Variants in ZDHHC13 observed in about 807,000 individuals in gnomAD.
ZDHHC13 encodes zDHHC palmitoyltransferase 13, also known as palmitoyltransferase ZDHHC13.
In ZDHHC13, 85 loss-of-function variants were observed where a neutral mutation model predicts 86.0. The observed-to-expected ratio is 0.99, with a 90% CI of 0.83 to 1.18. The LOEUF is 1.18. Ranked by LOEUF, ZDHHC13 falls within the 50% of genes most tolerant of loss-of-function variation. The pLI is 0.00. For synonymous variants in ZDHHC13, 263 were observed against 246.4 expected (o/e 1.07, Z -0.63); for missense variants, 711 against 730.2 (o/e 0.97, Z 0.30).
chr11:19,154,078 T>G lies in ZDHHC13; in HGVS notation c.873+1394T>G, dbSNP rs77660928. Among the ~76,000 whole-genome samples the G allele has an allele frequency of 6.8e-3, 1,043 of 152,304 alleles. 9 individuals are homozygous for G. Among genetic ancestry groups the G allele is most frequent in the African/African-American group, 0.024 (984 of 41,564 alleles). ...TTTCTCCCAGAGTAAAAGCAAAGTC[T>G]TTATGATGGCCTATAGGGCCCTTTG... is the stretch of plus-strand genomic sequence containing the variant. On this transcript the variant is annotated intron_variant, in intron 8 of 16. Transcript: ENST00000446113.
chr11:19,156,473 A>G (rs1445374469), intron 9 of ZDHHC13, among the ~76,000 whole-genome samples: 1 of 152,202 alleles, frequency 6.6e-6, no homozygotes, highest in Non-Finnish European at 1.5e-5. Context: ...GCTTTACCAC[A>G]TGACAGTCTG....
At chr11:19,136,547 C>A (rs1459000405) in intron 1 of ZDHHC13, among the ~76,000 whole-genome samples, 1 of 152,164 alleles carries the variant, frequency 6.6e-6, no homozygotes, top group Non-Finnish European at 1.5e-5. Flanking sequence ...GGCCAACATT[C>A]AGATTCAGGA....
At chr11:19,135,629 C>A (rs1470178190) in intron 1 of ZDHHC13, among the ~76,000 whole-genome samples, 1 of 152,240 alleles carries the variant, frequency 6.6e-6, no homozygotes, top group Non-Finnish European at 1.5e-5. Flanking sequence ...AGGGCACAGA[C>A]AAACAAAAAG....
chr11:19,134,684 A>G (rs1849083396), intron 1 of ZDHHC13, among the ~76,000 whole-genome samples: 2 of 151,782 alleles, frequency 1.3e-5, no homozygotes, highest in East Asian at 2.0e-4. Context: ...AGGGAGGGGA[A>G]CATTACACAC....
At chr11:19,164,670 A>G (rs977599396) in intron 12 of ZDHHC13, 1 of 430,124 alleles carries the variant, frequency 2.3e-6, no homozygotes, top group Admixed American at 4.0e-5. Flanking sequence ...TGACCTTAGA[A>G]ACCACTTAGT....
chr11:19,174,765 A>G (rs185503151), intron 16 of ZDHHC13, among the ~76,000 whole-genome samples: 11 of 152,348 alleles, frequency 7.2e-5, no homozygotes, highest in Admixed American at 2.0e-4. Context: ...TTGAAAGGAT[A>G]AGGGGGTTCC....
chr11:19,135,543 G>A (rs546514386), intron 1 of ZDHHC13, among the ~76,000 whole-genome samples: 18 of 152,328 alleles, frequency 1.2e-4, no homozygotes, highest in African/African-American at 3.6e-4. Context: ...CAAAGCAGCC[G>A]GGAAGCTCGA....
rs1189384599 is a variant in ZDHHC13, at chr11:19,143,027, G to A, written c.77G>A (p.Gly26Asp). ...CACCCTCCAGGATTTGGTCGATATG[G>A]CATCTGTGCACATGAAAACAAAGAA... The part of the protein sequence containing the change: ...GPHPPGFGRY[G>D]ICAHENKELA... Residue 26 changes from glycine to aspartate, a missense_variant, in exon 2 of 17, where the codon GGC becomes GAC. Physicochemically the swap from Gly to Asp is moderately conservative, Grantham distance 94 (BLOSUM62 -1). Coordinates refer to ENST00000446113, the MANE Select transcript of ZDHHC13 (RefSeq NM_019028.3). 36 of 1,612,354 alleles carry A rather than the reference G, an allele frequency of 2.2e-5. No individual in the cohort carries two copies. In the African/African-American group the frequency reaches 2.3e-4, roughly 10 times the overall value.
intron 14 of ZDHHC13, chr11:19,170,002 C>T (rs1205728622): frequency 4.0e-6 from 4 of 1,004,598 alleles, no homozygotes; most frequent in Non-Finnish European, 3.6e-6. Context: ...CAGCAATGGC[C>T]TGTTCATCTG....
intron 1 of ZDHHC13, among the ~76,000 whole-genome samples, chr11:19,120,284 G>A (rs1379845869): frequency 6.6e-6 from 1 of 152,212 alleles, no homozygotes; most frequent in African/African-American, 2.4e-5. Flanking sequence ...TAGAGCCTCA[G>A]CTGCAAAGAC....
chr11:19,125,644 AT>A (rs1848857772), intron 1 of ZDHHC13, among the ~76,000 whole-genome samples: 2 of 152,212 alleles, frequency 1.3e-5, no homozygotes, highest in Admixed American at 6.5e-5. Context: ...GTCCACGAAT[AT>A]TTTTAGCAGC....
chr11:19,171,890 G>A (rs940750014), intron 15 of ZDHHC13, among the ~76,000 whole-genome samples: 1 of 152,088 alleles, frequency 6.6e-6, no homozygotes, highest in Non-Finnish European at 1.5e-5. Flanking sequence ...AGCGCTCTGG[G>A]TAGTCGTGGC....
chr11:19,166,796 G>A (rs1377996386), intron 14 of ZDHHC13: 1 of 154,570 alleles, frequency 6.5e-6, no homozygotes, highest in East Asian at 1.9e-4. Flanking sequence ...ACCTCTGAAA[G>A]CCCATGCCAT....
intron 10 of ZDHHC13, among the ~76,000 whole-genome samples, chr11:19,161,600 A>G (rs1180711675): frequency 2.0e-5 from 3 of 151,830 alleles, no homozygotes; most frequent in South Asian, 4.1e-4. Context: ...GGGGGATTGA[A>G]TACAATAAAA....
intron 10 of ZDHHC13, among the ~76,000 whole-genome samples, 188 bp from the exon 11 acceptor site, chr11:19,163,115 C>A (rs2133458532): frequency 6.6e-6 from 1 of 152,102 alleles, no homozygotes; most frequent in African/African-American, 2.4e-5. Flanking sequence ...AATAAGGAAA[C>A]ATTAATTATT....
chr11:19,121,840 G>A (rs979226638), intron 1 of ZDHHC13, among the ~76,000 whole-genome samples: 12 of 152,216 alleles, frequency 7.9e-5, no homozygotes, highest in Middle Eastern at 3.4e-3. Flanking sequence ...CTTTACCAAC[G>A]TAGAAATGAG....
In ZDHHC13 at chr11:19,166,334, T is replaced by C; in HGVS notation, c.1423T>C (p.Leu475=). ...FGNHHYYIFF[L]FFLSMVCGWI... ...CAACCATCACTATTACATATTCTTC[T>C]TGTTTTTCCTTTCCATGGTATGTGG... is the stretch of plus-strand genomic sequence containing the variant. Residue 475 remains leucine (L), a synonymous_variant, in exon 14 of 17, where the codon TTG becomes CTG. Coordinates refer to ENST00000446113, the MANE Select transcript of ZDHHC13 (RefSeq NM_019028.3). 1 of 1,612,438 alleles carries C rather than the reference T, an allele frequency of 6.2e-7. No homozygotes were observed. Among genetic ancestry groups the C allele is most frequent in the Non-Finnish European group, 8.5e-7 (1 of 1,179,484 alleles).
chr11:19,155,539 C>A (rs1849731601), intron 8 of ZDHHC13, among the ~76,000 whole-genome samples: 1 of 149,002 alleles, frequency 6.7e-6, no homozygotes, highest in East Asian at 2.0e-4. Context: ...CGAGATCGCA[C>A]CATTGTGCTC....
chr11:19,140,676 A>T (rs1003048606), intron 1 of ZDHHC13, among the ~76,000 whole-genome samples: 1 of 152,184 alleles, frequency 6.6e-6, no homozygotes, highest in South Asian at 2.1e-4. Context: ...CAAATGTCCA[A>T]CAATGATAGA....
Sources: gnomAD v4.1 joint callset for allele counts (sites outside exome capture counted in the v4.1 genomes callset) on GRCh38, gnomAD v4.1.1 for gene constraint, MANE v1.5 for transcripts, NCBI Gene and HGNC (gene_info 2026-07-23, HGNC 2026-07-21) for gene names.